Variants in IL1RAPL2 observed in about 807,000 individuals in gnomAD.
IL1RAPL2 encodes the protein interleukin 1 receptor accessory protein like 2.
IL1RAPL2 carries 3 observed loss-of-function variants against 44.1 expected under a neutral mutation model. The observed-to-expected ratio is 0.07, with a 90% CI of 0.03 to 0.18. The LOEUF is 0.18. IL1RAPL2 is among the 10% of genes least tolerant of loss of function. The probability of loss-of-function intolerance (pLI) is 1.00; values close to 1 mark genes in which losing one functional copy is unlikely to be tolerated. For missense variants in IL1RAPL2, 391 were observed against 496.4 expected, an observed-to-expected ratio of 0.79 and a Z score of 2.02; for synonymous variants, 181 against 178.8, an observed-to-expected ratio of 1.01 and a Z score of -0.10.
intron 6 of IL1RAPL2, among the ~76,000 whole-genome samples, chrX:105,580,147 T>C (rs1387276254): frequency 8.9e-6 from 1 of 111,793 alleles, no homozygotes; most frequent in Non-Finnish European, 1.9e-5. Context: ...CAGTGGAGCA[T>C]TGATAACAAA....
At chrX:104,670,839 G>A (rs147865217) in intron 2 of IL1RAPL2, among the ~76,000 whole-genome samples, 3 of 111,205 alleles carry the variant, frequency 2.7e-5, no homozygotes, top group East Asian at 2.9e-4. Flanking sequence ...TGCAAATGGT[G>A]TTTTTACTTG....
intron 6 of IL1RAPL2, among the ~76,000 whole-genome samples, chrX:105,652,546 AC>A (rs765346088): frequency 3.6e-5 from 4 of 111,608 alleles, no homozygotes; most frequent in African/African-American, 1.3e-4. Flanking sequence ...CCACGTTAAG[AC>A]ACTGTGATAA....
At chrX:105,659,057 G>A (rs1163671713) in intron 6 of IL1RAPL2, among the ~76,000 whole-genome samples, 3 of 110,415 alleles carry the variant, frequency 2.7e-5, no homozygotes, top group Non-Finnish European at 5.7e-5. Flanking sequence ...AACCTGGTAA[G>A]TAGAGGTTGC....
chrX:104,869,714 A>G (rs1016506523), intron 2 of IL1RAPL2, among the ~76,000 whole-genome samples: 2 of 112,101 alleles, frequency 1.8e-5, no homozygotes, highest in African/African-American at 3.2e-5. Flanking sequence ...TATATCCATG[A>G]ACAGTTTTAT....
intron 7 of IL1RAPL2, among the ~76,000 whole-genome samples, chrX:105,735,586 T>G (rs770850047): frequency 9.0e-6 from 1 of 111,585 alleles, no homozygotes; most frequent in East Asian, 2.8e-4. Flanking sequence ...AAACCCTCCC[T>G]TCTTTTCATT....
chrX:105,638,639 G>C (rs1203718077), intron 6 of IL1RAPL2, among the ~76,000 whole-genome samples: 1 of 111,779 alleles, frequency 8.9e-6, no homozygotes, highest in Admixed American at 9.5e-5. Flanking sequence ...CAAGAGAAAA[G>C]GAAAAAGAAG....
chrX:105,754,465 A>AGGGG (rs2038621180), intron 9 of IL1RAPL2, among the ~76,000 whole-genome samples: 2 of 112,470 alleles, frequency 1.8e-5, no homozygotes, highest in Non-Finnish European at 3.8e-5. Context: ...CCCTGACTAA[A>AGGGG]TGTGTGGAGG....
intron 5 of IL1RAPL2, chrX:105,406,430 G>A: frequency 2.6e-6 from 3 of 1,135,309 alleles, no homozygotes; most frequent in South Asian, 1.8e-5. Flanking sequence ...CTAACACCTG[G>A]AAGTGGCAAT....
At chrX:104,970,129 C>G (rs1029755186) in intron 2 of IL1RAPL2, among the ~76,000 whole-genome samples, 3 of 111,031 alleles carry the variant, frequency 2.7e-5, no homozygotes, top group African/African-American at 9.8e-5. Flanking sequence ...ATATATAGAA[C>G]TATATCCTGG....
At chrX:105,703,253 A>G (rs1381578662) in intron 6 of IL1RAPL2, among the ~76,000 whole-genome samples, 3 of 111,385 alleles carry the variant, frequency 2.7e-5, no homozygotes, top group African/African-American at 9.8e-5. Context: ...AGTTTTGAGA[A>G]GTAAATATGT....
intron 2 of IL1RAPL2, among the ~76,000 whole-genome samples, chrX:104,742,763 AC>A (rs1179198027): frequency 9.0e-6 from 1 of 111,359 alleles, no homozygotes. Flanking sequence ...ACTCTTTCTT[AC>A]CCCCAAGGGA....
intron 6 of IL1RAPL2, among the ~76,000 whole-genome samples, chrX:105,712,880 G>A (rs1030686912): frequency 1.8e-5 from 2 of 112,301 alleles, no homozygotes; most frequent in Non-Finnish European, 3.8e-5. Flanking sequence ...TTGGGTAAAT[G>A]TTCCCATTCC....
intron 2 of IL1RAPL2, among the ~76,000 whole-genome samples, chrX:105,186,415 A>C (rs2033587633): frequency 9.0e-6 from 1 of 111,459 alleles, no homozygotes; most frequent in Admixed American, 9.5e-5. Flanking sequence ...GGAAGGTGGG[A>C]AAAATGGTAT....
chrX:104,901,087 C>T (rs1231747953), intron 2 of IL1RAPL2, among the ~76,000 whole-genome samples: 1 of 110,098 alleles, frequency 9.1e-6, no homozygotes, highest in Non-Finnish European at 1.9e-5. Context: ...TTCTATTATT[C>T]CTTTGTTTGT....
chrX:105,518,050 A>C (rs555373752), intron 6 of IL1RAPL2, among the ~76,000 whole-genome samples: 1 of 111,599 alleles, frequency 9.0e-6, no homozygotes, highest in East Asian at 2.8e-4. Flanking sequence ...ATAATGAAGA[A>C]GGAATGAACA....
chrX:105,569,642 C>A (rs779588939), intron 6 of IL1RAPL2, among the ~76,000 whole-genome samples: 106 of 111,659 alleles, frequency 9.5e-4, no homozygotes, highest in Non-Finnish European at 1.7e-3. Flanking sequence ...GACAGAGCCT[C>A]CAAACCAATA....
intron 5 of IL1RAPL2, chrX:105,405,752 C>A: frequency 1.0e-6 from 1 of 987,936 alleles, no homozygotes; most frequent in Non-Finnish European, 1.4e-6. Flanking sequence ...CCTACTTCAA[C>A]ACTCAGCATT....
chrX:105,281,947 C>T (rs1028900616), intron 5 of IL1RAPL2, among the ~76,000 whole-genome samples: 2 of 110,725 alleles, frequency 1.8e-5, no homozygotes, highest in African/African-American at 6.6e-5. Flanking sequence ...AGACAAATTG[C>T]TGTTGTTAAT....
chrX:105,349,638 C>T (rs1422343334), intron 5 of IL1RAPL2, among the ~76,000 whole-genome samples: 5 of 111,661 alleles, frequency 4.5e-5, no homozygotes, highest in Non-Finnish European at 9.4e-5. Context: ...GCTATTTTCT[C>T]TGTTTTTCTG....
Sources: allele counts gnomAD v4.1 joint callset (sites outside exome capture counted in the v4.1 genomes callset), GRCh38; gene constraint gnomAD v4.1.1; transcripts MANE v1.5; gene names NCBI Gene and HGNC (gene_info 2026-07-23, HGNC 2026-07-21).